GFRA1: variants seen among roughly 807,000 people sequenced by gnomAD.
The protein encoded by GFRA1 is GDNF family receptor alpha-1.
GFRA1 carries 16 observed loss-of-function variants against 51.6 expected under a neutral mutation model. The observed-to-expected ratio is 0.31, with a 90% CI of 0.21 to 0.47. The LOEUF (loss-of-function observed/expected upper bound fraction) is 0.47. GFRA1 is among the 20% of genes least tolerant of loss of function. The pLI is 1.00. For synonymous variants in GFRA1, 270 were observed against 241.3 expected, an observed-to-expected ratio of 1.12 and a Z score of -1.10; for missense variants, 530 against 594.3, an observed-to-expected ratio of 0.89 and a Z score of 1.13.
intron 4 of GFRA1, among the ~76,000 whole-genome samples, chr10:116,236,048 C>T (rs1411093726): frequency 1.3e-5 from 2 of 152,148 alleles, no homozygotes; most frequent in South Asian, 4.1e-4. Flanking sequence ...ACCCTCAGCA[C>T]AATGACAGAA....
At chr10:116,258,035 C>T (rs1969011557) in intron 4 of GFRA1, among the ~76,000 whole-genome samples, 1 of 152,154 alleles carries the variant, frequency 6.6e-6, no homozygotes, top group Non-Finnish European at 1.5e-5. Context: ...CCTTCTCTGA[C>T]CGGCAACACC....
chr10:116,070,403 G>A (rs1955325441), intron 9 of GFRA1, among the ~76,000 whole-genome samples: 1 of 152,148 alleles, frequency 6.6e-6, no homozygotes, highest in Non-Finnish European at 1.5e-5. Context: ...CACTGTATGA[G>A]TTCGTCCCAA....
At chr10:116,255,618 T>C (rs2134724667) in intron 4 of GFRA1, 2 of 1,289,084 alleles carry the variant, frequency 1.6e-6, no homozygotes, top group African/African-American at 1.5e-5. Context: ...CCTTTTCCAC[T>C]GATGTGTTAG....
chr10:116,262,524 T>A (rs1969370132), intron 4 of GFRA1, among the ~76,000 whole-genome samples: 1 of 152,176 alleles, frequency 6.6e-6, no homozygotes, highest in Non-Finnish European at 1.5e-5. Context: ...TGTATACATG[T>A]ATGTACATAC....
At chr10:116,194,286 T>A (rs2134341913) in intron 5 of GFRA1, among the ~76,000 whole-genome samples, 1 of 152,198 alleles carries the variant, frequency 6.6e-6, no homozygotes, top group South Asian at 2.1e-4. Flanking sequence ...TATCTAAAAA[T>A]AACCCATGAA....
intron 4 of GFRA1, among the ~76,000 whole-genome samples, chr10:116,218,236 G>A (rs564707584): frequency 2.9e-4 from 44 of 152,202 alleles, no homozygotes; most frequent in African/African-American, 1.0e-3. Context: ...ACCTGCCTTC[G>A]TTTCTCAAGA....
chr10:116,179,014 C>A (rs1321501124), intron 5 of GFRA1, among the ~76,000 whole-genome samples: 1 of 152,122 alleles, frequency 6.6e-6, no homozygotes, highest in Non-Finnish European at 1.5e-5. Context: ...CCCCGGTTAC[C>A]GACTGCTGGT....
chr10:116,070,603 A>C (rs7070763), intron 9 of GFRA1, among the ~76,000 whole-genome samples: 18,696 of 152,172 alleles, frequency 0.12, 3,840 homozygotes, highest in African/African-American at 0.42. Flanking sequence ...CACCTGCTTA[A>C]AGACTTCAAT....
At chr10:116,182,892 A>C (rs1962367875) in intron 5 of GFRA1, among the ~76,000 whole-genome samples, 3 of 152,190 alleles carry the variant, frequency 2.0e-5, no homozygotes, top group African/African-American at 7.2e-5. Context: ...CTCCTGGAAG[A>C]CATCTCCAGA....
intron 9 of GFRA1, among the ~76,000 whole-genome samples, chr10:116,081,073 G>A (rs1413733932): frequency 6.6e-6 from 1 of 152,204 alleles, no homozygotes; most frequent in Admixed American, 6.5e-5. Flanking sequence ...TGATAATAAA[G>A]TTGTAATCTT....
chr10:116,249,303 T>C (rs1968122694), intron 4 of GFRA1, among the ~76,000 whole-genome samples: 4 of 152,142 alleles, frequency 2.6e-5, no homozygotes, highest in African/African-American at 9.7e-5. Flanking sequence ...GGCCTGCAAT[T>C]GCTTGGGTCC....
intron 5 of GFRA1, among the ~76,000 whole-genome samples, chr10:116,157,616 G>T (rs979392439): frequency 6.6e-6 from 1 of 152,112 alleles, no homozygotes; most frequent in Non-Finnish European, 1.5e-5. Context: ...AGCATCTCCT[G>T]CCTATCCTCA....
At chr10:116,148,759 G>T (rs550510331) in intron 5 of GFRA1, among the ~76,000 whole-genome samples, 3 of 152,146 alleles carry the variant, frequency 2.0e-5, no homozygotes, top group East Asian at 1.9e-4. Context: ...ATCTTAAGAA[G>T]AATAATCATT....
intron 5 of GFRA1, among the ~76,000 whole-genome samples, chr10:116,150,849 TAGACGATTC>T (rs1283915811): frequency 6.6e-6 from 1 of 152,184 alleles, no homozygotes; most frequent in Non-Finnish European, 1.5e-5. Context: ...TTTTCTGAAA[TAGACGATTC>T]AGATGATTCA....
intron 4 of GFRA1, among the ~76,000 whole-genome samples, chr10:116,250,482 T>C (rs147548664): frequency 1.9e-3 from 284 of 152,294 alleles, no homozygotes; most frequent in African/African-American, 6.3e-3. Flanking sequence ...TATCTTCCTT[T>C]TTTAAAAGAA....
intron 6 of GFRA1, among the ~76,000 whole-genome samples, chr10:116,122,202 C>G (rs1396149059): frequency 6.6e-6 from 1 of 152,146 alleles, no homozygotes; most frequent in African/African-American, 2.4e-5. Flanking sequence ...ATCTGGATTC[C>G]TAAACAGCCT....
At chr10:116,239,662 A>C (rs1470177247) in intron 4 of GFRA1, among the ~76,000 whole-genome samples, 1 of 152,228 alleles carries the variant, frequency 6.6e-6, no homozygotes, top group East Asian at 1.9e-4. Context: ...AATTCTTTTT[A>C]AAAAGTAGTT....
rs1301570061 is a variant in GFRA1 at position 116,058,691 on chromosome 10, G to A, written c.*5707C>T. 1.3e-5 allele frequency: 2 copies of A among 152,314 alleles called. No individual in the cohort carries two copies. The highest frequency in any genetic ancestry group is 2.9e-5 in the Non-Finnish European group (2 of 68,102). 9.4% of individuals were successfully genotyped at this position (152,314 alleles called of 1,614,324 possible). On this transcript the variant is annotated 3_prime_UTR_variant, in exon 11 of 11. Transcript: ENST00000355422. ...GGGATGGGTGTTTCCCTAAGCTGCT[G>A]TCAGAGGGCCCTGTGTTCTCAAGTT...
intron 5 of GFRA1, among the ~76,000 whole-genome samples, chr10:116,152,407 T>TCAGGAAGCTTA (rs949692994): frequency 1.7e-4 from 26 of 152,230 alleles, no homozygotes; most frequent in African/African-American, 6.0e-4. Context: ...GAGGCTGGGC[T>TCAGGAAGCTTA]CAGGAAGCTT....
Sources: allele counts gnomAD v4.1 joint callset (sites outside exome capture counted in the v4.1 genomes callset), GRCh38; gene constraint gnomAD v4.1.1; transcripts MANE v1.5; gene names NCBI Gene and HGNC (gene_info 2026-07-23, HGNC 2026-07-21).